Variants in MACF1 observed in about 807,000 individuals in gnomAD.
The protein encoded by MACF1 is microtubule actin crosslinking factor 1, also known as microtubule-actin cross-linking factor 1.
Under a neutral mutation model 854.8 loss-of-function variants are expected in MACF1, and 193 were observed. That is an observed-to-expected ratio of 0.23 (90% CI 0.20 to 0.25). The LOEUF (loss-of-function observed/expected upper bound fraction) is 0.25, where lower values mean the gene tolerates loss of function less well. Among genes scored for constraint, MACF1 ranks in the 10% least tolerant of loss-of-function variants. The pLI, the probability that MACF1 is intolerant of heterozygous loss-of-function variation, is 1.00. For missense variants in MACF1, 7,722 were observed against 8,929.1 expected (o/e 0.86, Z 5.45); for synonymous variants, 3,185 against 3,226.7 (o/e 0.99, Z 0.44).
chr1:39,169,940 A>AT (rs762278553), intron 2 of MACF1, among the ~76,000 whole-genome samples: 381 of 141,418 alleles, frequency 2.7e-3, no homozygotes, highest in East Asian at 5.2e-3. Context: ...TGCCCAGCTA[A>AT]TTTTTTTTTT....
chr1:39,147,426 CCCTTT>C (rs1481771906), intron 2 of MACF1, among the ~76,000 whole-genome samples: 6 of 148,158 alleles, frequency 4.0e-5, no homozygotes, highest in South Asian at 2.1e-4. Context: ...CTTCTCTTTT[CCCTTT>C]CCTTTCCTTT....
intron 2 of MACF1, among the ~76,000 whole-genome samples, chr1:39,089,510 G>A (rs1473904471): frequency 6.6e-6 from 1 of 152,124 alleles, no homozygotes; most frequent in Non-Finnish European, 1.5e-5. Flanking sequence ...CACGTTCATT[G>A]TTCCCAGGTT....
At chr1:39,199,619 A>T (rs1388916878) in intron 2 of MACF1, among the ~76,000 whole-genome samples, 2 of 152,198 alleles carry the variant, frequency 1.3e-5, no homozygotes, top group African/African-American at 4.8e-5. Flanking sequence ...CAGGGATATT[A>T]CAGGGATCAA....
At chr1:39,143,861 G>A (rs59983493) in intron 2 of MACF1, among the ~76,000 whole-genome samples, 4,476 of 151,956 alleles carry the variant, frequency 0.029, 230 homozygotes, top group African/African-American at 0.1. Context: ...TGCAAGCTCC[G>A]CCTCCTGGGT....
At chr1:39,093,508 A>G (rs1179300186) in intron 2 of MACF1, among the ~76,000 whole-genome samples, 3 of 112,058 alleles carry the variant, frequency 2.7e-5, no homozygotes, top group African/African-American at 7.1e-5. Flanking sequence ...TTTTTTTGAG[A>G]CGGAGTCTTG....
intron 26 of MACF1, among the ~76,000 whole-genome samples, chr1:39,313,531 T>C (rs1646344621): frequency 6.6e-6 from 1 of 152,142 alleles, no homozygotes; most frequent in Non-Finnish European, 1.5e-5. Context: ...TTCTGTAGTT[T>C]GTCTTCCTTC....
At chr1:39,278,079 A>G (rs1035615380) in intron 6 of MACF1, among the ~76,000 whole-genome samples, 6 of 152,236 alleles carry the variant, frequency 3.9e-5, no homozygotes, top group African/African-American at 1.2e-4. Flanking sequence ...ATTCTCAGGC[A>G]TACTGTTGAG....
At chr1:39,362,506 G>A (rs915502761) in intron 49 of MACF1, among the ~76,000 whole-genome samples, 2 of 152,118 alleles carry the variant, frequency 1.3e-5, no homozygotes, top group Non-Finnish European at 2.9e-5. Context: ...ATAAAAGAGA[G>A]TATCATTATG....
chr1:39,287,725 T>A, intron 15 of MACF1, 163 bp downstream of exon 15: 1 of 754,332 alleles, frequency 1.3e-6, no homozygotes, highest in Non-Finnish European at 2.1e-6. Flanking sequence ...CAGGCTGGAC[T>A]GGAACTCCTG....
At chr1:39,175,941 C>CAAA (rs68102262) in intron 2 of MACF1, among the ~76,000 whole-genome samples, 14 of 98,544 alleles carry the variant, frequency 1.4e-4, no homozygotes, top group African/African-American at 2.6e-4. Flanking sequence ...ACTAAAAATA[C>CAAA]AAAAAAAAAA....
Position 39,334,559 on chromosome 1 carries a change from TGG to T in MACF1, c.7974_7975del (p.Val2659GlufsTer56), listed in dbSNP as rs1269913676. The T allele has an allele frequency of 6.2e-7, 1 of 1,614,000 alleles. No individual in the cohort carries two copies. The highest frequency in any genetic ancestry group is 1.3e-5 in the African/African-American group (1 of 74,918). ...TAATTCCCTTCTCAGACATTAAAGA[TGG>T]GGTGAGCGACAAAGTGCTTACATTG... ...EVIPFSDIKD[G>X]VSDKVLTLSQ... On this transcript the variant is annotated frameshift_variant, in exon 37 of 101. Coordinates refer to ENST00000564288, the MANE Select transcript of MACF1 (RefSeq NM_001394062.1). LOFTEE classifies it high-confidence loss of function.
At chr1:39,436,094 T>C in intron 70 of MACF1, 1 of 402,364 alleles carries the variant, frequency 2.5e-6, no homozygotes, top group Non-Finnish European at 4.4e-6. Context: ...AAAAAAGTAC[T>C]TATTGAACCT....
In MACF1 at chr1:39,335,583, T is replaced by C. The variant is rs1017813236; in HGVS notation, c.8995T>C (p.Leu2999=). The change falls in exon 37 of 101, where the codon TTG becomes CTG. Residue 2999 remains leucine, a synonymous_variant. Coordinates refer to ENST00000564288, the MANE Select transcript of MACF1 (RefSeq NM_001394062.1). ...ACCAGCATTTCTTTCTGAAGAAAAG[T>C]TGTATCAGGAAACTGCCATTAGAGA... ...CKPAFLSEEK[L]YQETAIRDEH... is the part of the protein sequence containing the mutation. The C allele has an allele frequency of 1.9e-6, 3 of 1,614,140 alleles. No homozygotes were observed. Among genetic ancestry groups the C allele is most frequent in the Non-Finnish European group, 2.5e-6 (3 of 1,180,014 alleles).
intron 58 of MACF1, among the ~76,000 whole-genome samples, chr1:39,402,388 A>T (rs1642513062): frequency 6.6e-6 from 1 of 152,206 alleles, no homozygotes; most frequent in Non-Finnish European, 1.5e-5. Flanking sequence ...GTTGAGGCCC[A>T]TGACCCATGT....
chr1:39,350,901 T>C lies in MACF1; in HGVS notation c.11082T>C (p.Leu3694=). ...TGAGCCCACGTGAGTTGACAGCTCTTCGGGAAAAGCTTCATCAGGCTAAGG... is the reference window on the plus strand; with the variant it reads ...TGAGCCCACGTGAGTTGACAGCTCTCCGGGAAAAGCTTCATCAGGCTAAGG... ...TKLSPRELTA[L]REKLHQAKEQ... The change falls in exon 43 of 101, where the codon CTT becomes CTC. Residue 3694 remains leucine (L), a synonymous_variant. Coordinates refer to ENST00000564288, the MANE Select transcript of MACF1 (RefSeq NM_001394062.1). 1 of 1,614,098 alleles carries C rather than the reference T, an allele frequency of 6.2e-7. No individual in the cohort carries two copies. The highest frequency in any genetic ancestry group is 8.5e-7 in the Non-Finnish European group (1 of 1,179,978).
chr1:39,110,230 C>CTTTT lies in MACF1; in HGVS notation c.220+25811_220+25814dup, dbSNP rs5773651. On this transcript the variant is annotated intron_variant, in intron 2 of 93. Coordinates refer to the MACF1 transcript ENST00000361689. ...TTTATCCTTTTTAGTGGATGTTGTT[C>CTTTT]TTTTTTTTTTTTTTTTTTTTTTGAG... is the stretch of plus-strand genomic sequence containing the variant. Among the ~76,000 whole-genome samples, 312 of 84,534 alleles carry CTTTT rather than the reference C, an allele frequency of 3.7e-3. 9 individuals are homozygous for CTTTT. The highest frequency in any genetic ancestry group is 0.013 in the Middle Eastern group (1 of 78). 55.5% of individuals were successfully genotyped at this position (84,534 alleles called of 152,430 possible).
chr1:39,254,979 A>C (rs1278278492), intron 5 of MACF1, among the ~76,000 whole-genome samples: 1 of 152,164 alleles, frequency 6.6e-6, no homozygotes, highest in East Asian at 1.9e-4. Flanking sequence ...AAGAATGAAA[A>C]TGAGCATGAG....
At chr1:39,197,985 C>T (rs1644342501) in intron 2 of MACF1, among the ~76,000 whole-genome samples, 2 of 151,740 alleles carry the variant, frequency 1.3e-5, no homozygotes, top group Non-Finnish European at 2.9e-5. Context: ...ATCACTTGAG[C>T]CCAGGAGTTC....
intron 2 of MACF1, among the ~76,000 whole-genome samples, chr1:39,148,138 TC>T (rs1014908189): frequency 1.3e-5 from 2 of 152,220 alleles, no homozygotes; most frequent in African/African-American, 4.8e-5. Flanking sequence ...AGGATGTACA[TC>T]CTTTGTGATA....
Sources: allele counts gnomAD v4.1 joint callset (sites outside exome capture counted in the v4.1 genomes callset), GRCh38; gene constraint gnomAD v4.1.1; transcripts MANE v1.5; gene names NCBI Gene and HGNC (gene_info 2026-07-23, HGNC 2026-07-21).